The following ANKRD27 variants were observed in gnomAD, a reference collection of about 807,000 sequenced individuals.
ANKRD27 encodes the protein ankyrin repeat domain 27.
In ANKRD27, 112 loss-of-function variants were observed where a neutral mutation model predicts 129.7. The ratio of observed to expected loss-of-function variants is 0.86; its 90% CI spans 0.74 to 1.01. The LOEUF is 1.01. Ranked by LOEUF, ANKRD27 falls within the 50% of genes least tolerant of loss-of-function variation. The probability of loss-of-function intolerance (pLI) is 0.00; values close to 1 mark genes in which losing one functional copy is unlikely to be tolerated. For synonymous variants in ANKRD27, 516 were observed against 511.2 expected (o/e 1.01, Z -0.13); for missense variants, 1,258 against 1,300.5 (o/e 0.97, Z 0.50).
chr19:32,673,495 T>C, intron 1 of ANKRD27: 1 of 976,014 alleles, frequency 1.0e-6, no homozygotes, highest in Non-Finnish European at 1.2e-6. Flanking sequence ...ACTTCTCTGC[T>C]AGGTGCTCAG....
chr19:32,671,639 G>A (rs879893707), intron 1 of ANKRD27, among the ~76,000 whole-genome samples: 40 of 152,316 alleles, frequency 2.6e-4, no homozygotes, highest in Non-Finnish European at 1.5e-5. Flanking sequence ...AGGTTGCAGT[G>A]AGCCGAGATC....
chr19:32,598,473 C>T (rs1255424994), intron 28 of ANKRD27, 95 bp from the exon 29 acceptor site: 15 of 1,154,204 alleles, frequency 1.3e-5, no homozygotes, highest in African/African-American at 4.5e-5. Context: ...CCTAGTGTCA[C>T]ATAATGTGCT....
At chr19:32,657,873 G>A (rs1320321949) in intron 2 of ANKRD27, among the ~76,000 whole-genome samples, 1 of 151,990 alleles carries the variant, frequency 6.6e-6, no homozygotes, top group African/African-American at 2.4e-5. Flanking sequence ...TACTTGGGAG[G>A]CCGAGGCAGG....
intron 28 of ANKRD27, among the ~76,000 whole-genome samples, chr19:32,599,409 T>A (rs1207680970): frequency 6.6e-6 from 1 of 152,242 alleles, no homozygotes; most frequent in Non-Finnish European, 1.5e-5. Context: ...CTTTGGTGAT[T>A]AAAACCATAG....
At chr19:32,625,852 C>G (rs184953007) in intron 17 of ANKRD27, 22 bp downstream of exon 17, 40 of 1,547,004 alleles carry the variant, frequency 2.6e-5, no homozygotes, top group East Asian at 1.9e-4. Context: ...GCAGCCCCCC[C>G]GGAACAGCAA....
rs1971905132 is a variant in ANKRD27 at position 32,615,672 on chromosome 19, C to G, written c.2161G>C (p.Ala721Pro). The change falls in exon 22 of 29, where the codon GCC (alanine) becomes CCC (proline). Residue 721 changes from alanine (A) to proline (P), a missense_variant. By Grantham distance (27) the Ala-to-Pro change is conservative. Coordinates refer to ENST00000306065, the MANE Select transcript of ANKRD27 (RefSeq NM_032139.3). Reference sequence around the variant, plus strand: ...CAAAGCCAAACCTTCTGAGCTGGGGCACACTTGGGGCACTGGCACAACGGG... The same window carrying G: ...CAAAGCCAAACCTTCTGAGCTGGGGGACACTTGGGGCACTGGCACAACGGG... Reference protein sequence around the residue: ...CHPLCQCPKCAPAQKRLAKVP... With the variant: ...CHPLCQCPKCPPAQKRLAKVP... 6.2e-7 allele frequency: 1 copy of G among 1,614,080 alleles called. No individual in the cohort carries two copies.
At position 32,633,559 on chromosome 19, in the gene ANKRD27, G is replaced by A. The variant is rs182830276; in HGVS notation, c.1117-2065C>T. 2.0e-3 allele frequency among the ~76,000 whole-genome samples: 310 copies of A among 151,478 alleles called. 1 individual carries two copies. Among genetic ancestry groups the A allele is most frequent in the Admixed American group, 4.1e-3 (62 of 15,194 alleles). On this transcript the variant is annotated intron_variant, in intron 12 of 28. Coordinates refer to ENST00000306065, the MANE Select transcript of ANKRD27 (RefSeq NM_032139.3). Reference sequence around the variant, plus strand: ...GGCTGGTCTCGAACTCCTGGCCTCAGGTGATCCTCCTGCCTCAGCCTCCCA... The same window carrying A: ...GGCTGGTCTCGAACTCCTGGCCTCAAGTGATCCTCCTGCCTCAGCCTCCCA...
At chr19:32,605,165 G>A (rs778635617) in intron 24 of ANKRD27, among the ~76,000 whole-genome samples, 29 of 152,246 alleles carry the variant, frequency 1.9e-4, no homozygotes, top group Non-Finnish European at 2.6e-4. Context: ...GAGCTCAGGA[G>A]TTTGAGACCA....
At chr19:32,622,084 A>C (rs1424414647) in intron 18 of ANKRD27, among the ~76,000 whole-genome samples, 1 of 152,188 alleles carries the variant, frequency 6.6e-6, no homozygotes, top group African/African-American at 2.4e-5. Context: ...CCGGGAAAAA[A>C]GAGTTCCAAC....
In ANKRD27 at chr19:32,598,230, G is replaced by T. The variant is rs774137684; in HGVS notation, c.3068C>A (p.Thr1023Lys). 6.2e-7 allele frequency: 1 copy of T among 1,614,028 alleles called. No individual in the cohort carries two copies. The highest frequency in any genetic ancestry group is 8.5e-7 in the Non-Finnish European group (1 of 1,180,054). Reference sequence around the variant, plus strand: ...CTGGGACACGACCGCATCCTCTACCGTGTGTCTCCGCAGCATCCGTCTGTG... The same window carrying T: ...CTGGGACACGACCGCATCCTCTACCTTGTGTCTCCGCAGCATCCGTCTGTG... ...PGHRRMLRRH[T>K]VEDAVVSQGP... Residue 1023 changes from threonine (T) to lysine (K), a missense_variant, in exon 29 of 29, where the codon ACG becomes AAG. Transcript: ENST00000306065.
chr19:32,644,532 C>G, intron 4 of ANKRD27, 53 bp from the exon 5 acceptor site: 1 of 1,598,554 alleles, frequency 6.3e-7, no homozygotes, highest in Non-Finnish European at 8.5e-7. Flanking sequence ...TGGTTCCTGA[C>G]TCTGTCCTAT....
chr19:32,623,161 C>T (rs1972039844), intron 17 of ANKRD27, among the ~76,000 whole-genome samples: 1 of 140,026 alleles, frequency 7.1e-6, no homozygotes, highest in South Asian at 2.4e-4. Context: ...ACTGTGATGT[C>T]TCCATGTACA....
intron 22 of ANKRD27, among the ~76,000 whole-genome samples, chr19:32,614,998 A>C (rs380320): frequency 0.71 from 107,395 of 152,048 alleles, 38,771 homozygotes; most frequent in African/African-American, 0.84. Flanking sequence ...AGTGAACTCA[A>C]CTGAGTAAAA....
At chr19:32,642,220 CT>C in intron 9 of ANKRD27, 75 bp from the exon 10 acceptor site, 15 of 1,287,434 alleles carry the variant, frequency 1.2e-5, no homozygotes, top group Admixed American at 2.9e-5. Flanking sequence ...AAGAACACAT[CT>C]CAGGATCTAC....
intron 15 of ANKRD27, 61 bp downstream of exon 15, chr19:32,628,022 T>C: frequency 1.3e-6 from 2 of 1,510,716 alleles, no homozygotes; most frequent in Non-Finnish European, 1.8e-6. Context: ...CTCTGCTGGG[T>C]CACCTTGGGC....
Position 32,665,289 on chromosome 19 carries a change from ATT to A in ANKRD27, c.-30-6246_-30-6245del, listed in dbSNP as rs11324719. On this transcript the variant is annotated intron_variant, in intron 1 of 28. Transcript: ENST00000306065. ...TATTGGACCCGCACTAAATTCATGAATTTTTTTTTTTTTTTTTTGAGACAGAG... is the reference window on the plus strand; with the variant it reads ...TATTGGACCCGCACTAAATTCATGAATTTTTTTTTTTTTTTTGAGACAGAG... Among the ~76,000 whole-genome samples the A allele has an allele frequency of 2.2e-3, 280 of 129,668 alleles. 2 individuals carry two copies. The highest frequency in any genetic ancestry group is 8.2e-3 in the Middle Eastern group (2 of 244). 85.1% of individuals were successfully genotyped at this position (129,668 alleles called of 152,430 possible). A position where few individuals can be genotyped will look rare whatever the true frequency, so the allele number is the denominator to read the frequency against.
Position 32,615,771 on chromosome 19 carries a change from G to C in ANKRD27, c.2062C>G (p.Leu688Val). 6.2e-7 allele frequency: 1 copy of C among 1,612,724 alleles called. No individual in the cohort carries two copies. Among genetic ancestry groups the C allele is most frequent in the Middle Eastern group, 1.7e-4 (1 of 6,060 alleles). Residue 688 changes from leucine (L) to valine (V), a missense_variant, in exon 22 of 29, where the codon CTG becomes GTG. Coordinates refer to ENST00000306065, the MANE Select transcript of ANKRD27 (RefSeq NM_032139.3). ...AGGTCCTCCTCTGTCCATTCCAACAGGTAACGCACCTGGTGATGGAGAGTA... is the reference window on the plus strand; with the variant it reads ...AGGTCCTCCTCTGTCCATTCCAACACGTAACGCACCTGGTGATGGAGAGTA... ...ADGDLEMVRY[L>V]LEWTEEDLED...
chr19:32,604,149 C>G, intron 25 of ANKRD27, 114 bp downstream of exon 25: 1 of 1,259,248 alleles, frequency 7.9e-7, no homozygotes, highest in Non-Finnish European at 1.1e-6. Context: ...TACGCCCAGC[C>G]CGGCGATGCC....
chr19:32,661,842 AAC>A (rs1967651802), intron 1 of ANKRD27, among the ~76,000 whole-genome samples: 1 of 152,206 alleles, frequency 6.6e-6, no homozygotes, highest in African/African-American at 2.4e-5. Flanking sequence ...GGTTGAAAAA[AAC>A]ACATATAAGT....
Sources: gnomAD v4.1 joint callset for allele counts (sites outside exome capture counted in the v4.1 genomes callset) on GRCh38, gnomAD v4.1.1 for gene constraint, MANE v1.5 for transcripts, NCBI Gene and HGNC (gene_info 2026-07-23, HGNC 2026-07-21) for gene names.